The following SLC24A3 variants were observed in gnomAD, a reference collection of about 807,000 sequenced individuals.
SLC24A3 encodes the protein sodium/potassium/calcium exchanger 3.
In SLC24A3, 28 loss-of-function variants were observed where a neutral mutation model predicts 75.8. The ratio of observed to expected loss-of-function variants is 0.37; its 90% CI spans 0.27 to 0.51. The LOEUF is 0.51. SLC24A3 is among the 20% of genes least tolerant of loss of function. The pLI is 0.94. For missense variants in SLC24A3, 663 were observed against 847.8 expected (o/e 0.78, Z 2.71); for synonymous variants, 372 against 334.1 (o/e 1.11, Z -1.24).
chr20:19,575,671 C>T (rs1441677527), intron 3 of SLC24A3, among the ~76,000 whole-genome samples: 1 of 152,234 alleles, frequency 6.6e-6, no homozygotes, highest in Non-Finnish European at 1.5e-5. Flanking sequence ...AAGCCATGGG[C>T]TTGGATTCCA....
chr20:19,286,837 CA>C (rs1318464677), intron 2 of SLC24A3, among the ~76,000 whole-genome samples: 6 of 152,288 alleles, frequency 3.9e-5, no homozygotes, highest in African/African-American at 1.2e-4. Flanking sequence ...TGACAAATTG[CA>C]ATTAGGTTAA....
chr20:19,638,961 T>C (rs140744912), intron 6 of SLC24A3, among the ~76,000 whole-genome samples: 3 of 152,174 alleles, frequency 2.0e-5, no homozygotes, highest in Non-Finnish European at 4.4e-5. Flanking sequence ...GCAAGACTCA[T>C]TGCAAAGAGT....
intron 6 of SLC24A3, among the ~76,000 whole-genome samples, chr20:19,593,967 G>A (rs987808412): frequency 6.6e-6 from 1 of 152,144 alleles, no homozygotes; most frequent in Admixed American, 6.5e-5. Flanking sequence ...TGCCGGGTGG[G>A]CCCAGGCACC....
intron 1 of SLC24A3, among the ~76,000 whole-genome samples, chr20:19,244,553 T>A (rs940612443): frequency 3.3e-5 from 5 of 151,990 alleles, no homozygotes; most frequent in Non-Finnish European, 7.4e-5. Flanking sequence ...AGACTGAGCA[T>A]GAAAGGCCTG....
At chr20:19,524,061 G>A (rs1253886710) in intron 3 of SLC24A3, among the ~76,000 whole-genome samples, 1 of 152,156 alleles carries the variant, frequency 6.6e-6, no homozygotes, top group Non-Finnish European at 1.5e-5. Flanking sequence ...TGGGCTAACA[G>A]AAACACATGT....
intron 1 of SLC24A3, among the ~76,000 whole-genome samples, chr20:19,237,808 TG>T (rs1336684399): frequency 6.6e-6 from 1 of 152,160 alleles, no homozygotes; most frequent in Non-Finnish European, 1.5e-5. Context: ...AATCCCAGCC[TG>T]CTCCCCCTTT....
At chr20:19,471,627 A>G (rs566733000) in intron 2 of SLC24A3, among the ~76,000 whole-genome samples, 3 of 150,958 alleles carry the variant, frequency 2.0e-5, no homozygotes, top group East Asian at 3.9e-4. Context: ...ACATCCCTGC[A>G]TGTTTCTACT....
At chr20:19,462,274 C>CTTTT (rs112995658) in intron 2 of SLC24A3, among the ~76,000 whole-genome samples, 1 of 149,222 alleles carries the variant, frequency 6.7e-6, no homozygotes, top group Admixed American at 6.6e-5. Flanking sequence ...GGGTGGCTTT[C>CTTTT]TTTCTTTTTT....
intron 3 of SLC24A3, among the ~76,000 whole-genome samples, chr20:19,557,755 A>G (rs1170267670): frequency 1.3e-5 from 2 of 152,218 alleles, no homozygotes; most frequent in African/African-American, 4.8e-5. Flanking sequence ...ATTGGGTGTG[A>G]CAAATCTGTT....
At chr20:19,461,014 G>A (rs1476409807) in intron 2 of SLC24A3, among the ~76,000 whole-genome samples, 1 of 152,200 alleles carries the variant, frequency 6.6e-6, no homozygotes, top group Non-Finnish European at 1.5e-5. Context: ...TTATTAGCCA[G>A]CGGAGGGATT....
Position 19,638,366 on chromosome 20 carries a change from G to A in SLC24A3, c.613-15696G>A, listed in dbSNP as rs954752414. ...AGTGTATACCGCTGGGACATAGGAG[G>A]GATGAGACAGGGAAGAGTTGTTTTT... On this transcript the variant is annotated intron_variant, in intron 6 of 16. Transcript: ENST00000328041. 3.3e-5 allele frequency among the ~76,000 whole-genome samples: 5 copies of A among 152,294 alleles called. No individual in the cohort carries two copies. The East Asian group carries it at 9.6e-4, about 29-fold the overall frequency.
intron 2 of SLC24A3, among the ~76,000 whole-genome samples, chr20:19,341,537 C>G (rs1244514779): frequency 6.6e-6 from 1 of 152,206 alleles, no homozygotes; most frequent in East Asian, 1.9e-4. Flanking sequence ...ACAAGGTCAT[C>G]TGCTTACTTC....
intron 2 of SLC24A3, among the ~76,000 whole-genome samples, chr20:19,289,515 C>T (rs539879970): frequency 1.8e-3 from 270 of 152,330 alleles, no homozygotes; most frequent in Non-Finnish European, 3.3e-3. Context: ...GCAATGCACT[C>T]AACTGTGTGT....
intron 2 of SLC24A3, among the ~76,000 whole-genome samples, chr20:19,511,380 T>C (rs960881681): frequency 6.7e-6 from 1 of 149,240 alleles, no homozygotes; most frequent in East Asian, 2.0e-4. Context: ...CAGGCTGGAG[T>C]ACAGTGGCGT....
chr20:19,360,749 C>T (rs1985770825), intron 2 of SLC24A3, among the ~76,000 whole-genome samples: 1 of 152,238 alleles, frequency 6.6e-6, no homozygotes, highest in South Asian at 2.1e-4. Flanking sequence ...AACACCACAA[C>T]TCCAAAAGGT....
chr20:19,321,386 A>G (rs370327705), intron 2 of SLC24A3, among the ~76,000 whole-genome samples: 34 of 152,310 alleles, frequency 2.2e-4, no homozygotes, highest in African/African-American at 7.9e-4. Flanking sequence ...AGTCCCTGGC[A>G]TGGGCTGAGC....
chr20:19,459,771 T>C (rs890013115), intron 2 of SLC24A3, among the ~76,000 whole-genome samples: 2 of 152,174 alleles, frequency 1.3e-5, no homozygotes, highest in African/African-American at 4.8e-5. Flanking sequence ...GGGAAACCCT[T>C]GGGGAATCTT....
chr20:19,549,617 C>T (rs1045198669), intron 3 of SLC24A3, among the ~76,000 whole-genome samples: 1 of 152,130 alleles, frequency 6.6e-6, no homozygotes, highest in Non-Finnish European at 1.5e-5. Context: ...AACCCCATGC[C>T]TACTAAAAAT....
At chr20:19,573,754 T>C (rs2031089053) in intron 3 of SLC24A3, among the ~76,000 whole-genome samples, 1 of 152,198 alleles carries the variant, frequency 6.6e-6, no homozygotes, top group African/African-American at 2.4e-5. Flanking sequence ...TTTAGCTGGA[T>C]TTGTGCTTTC....
Sources: gnomAD v4.1 joint callset for allele counts (sites outside exome capture counted in the v4.1 genomes callset) on GRCh38, gnomAD v4.1.1 for gene constraint, MANE v1.5 for transcripts, NCBI Gene and HGNC (gene_info 2026-07-23, HGNC 2026-07-21) for gene names.